Variants in RANBP10 observed in about 807,000 individuals in gnomAD.
RANBP10 encodes the protein ran-binding protein 10.
Under a neutral mutation model 72.8 loss-of-function variants are expected in RANBP10, and 24 were observed. That is an observed-to-expected ratio of 0.33 (90% confidence interval 0.24 to 0.46). The LOEUF (loss-of-function observed/expected upper bound fraction) is 0.46. RANBP10 is among the 20% of genes least tolerant of loss of function. RANBP10 has a pLI of 1.00. For missense variants in RANBP10, 679 were observed against 817.5 expected (o/e 0.83, Z 2.07); for synonymous variants, 310 against 322.3 (o/e 0.96, Z 0.41).
At chr16:67,780,503 C>T (rs2054791012) in intron 2 of RANBP10, among the ~76,000 whole-genome samples, 2 of 151,846 alleles carry the variant, frequency 1.3e-5, no homozygotes, top group South Asian at 4.2e-4. Flanking sequence ...ATCCCAGCTA[C>T]TTGGGAGGCC....
At chr16:67,789,339 G>T (rs1485486818) in intron 2 of RANBP10, among the ~76,000 whole-genome samples, 2 of 151,414 alleles carry the variant, frequency 1.3e-5, no homozygotes, top group African/African-American at 2.4e-5. Context: ...CCCAGGCATG[G>T]TGGCATATGC....
chr16:67,777,262 C>T (rs528626476), intron 2 of RANBP10, among the ~76,000 whole-genome samples: 6 of 152,044 alleles, frequency 3.9e-5, no homozygotes, highest in South Asian at 2.1e-4. Context: ...GTAGGCTGGG[C>T]GCGGTGGCTC....
chr16:67,783,042 C>T (rs1211199917), intron 2 of RANBP10, among the ~76,000 whole-genome samples: 1 of 151,994 alleles, frequency 6.6e-6, no homozygotes, highest in East Asian at 1.9e-4. Context: ...CCTAGCACCC[C>T]GAGTCTTGAC....
intron 2 of RANBP10, among the ~76,000 whole-genome samples, chr16:67,774,365 T>C (rs902135171): frequency 1.3e-5 from 2 of 152,216 alleles, no homozygotes; most frequent in African/African-American, 4.8e-5. Context: ...AACAGGGCTC[T>C]GGTTCCACAA....
At chr16:67,763,937 T>C (rs941601135) in intron 3 of RANBP10, among the ~76,000 whole-genome samples, 1 of 152,194 alleles carries the variant, frequency 6.6e-6, no homozygotes, top group African/African-American at 2.4e-5. Context: ...CCTCAAATGA[T>C]TCTCCTGCCT....
Position 67,734,929 on chromosome 16 carries a change from G to C in RANBP10, c.705C>G (p.Ala235=). The C allele has an allele frequency of 6.2e-7, 1 of 1,614,006 alleles. No individual in the cohort carries two copies. Among genetic ancestry groups the C allele is most frequent in the Non-Finnish European group, 8.5e-7 (1 of 1,179,950 alleles). The stretch of plus-strand genomic sequence containing the variant: ...AGCAGTGGACCGTGCCCTGGACCTT[G>C]GCACGCCACTCCCGCATGTAGTCCT... ...DIEDYMREWR[A]KVQGTVHCFP... Residue 235 remains alanine, a synonymous_variant, in exon 6 of 14, where the codon GCC becomes GCG. Coordinates refer to ENST00000317506, the MANE Select transcript of RANBP10 (RefSeq NM_020850.3).
intron 2 of RANBP10, among the ~76,000 whole-genome samples, chr16:67,800,399 G>A (rs559105773): frequency 1.3e-5 from 2 of 152,234 alleles, no homozygotes; most frequent in African/African-American, 4.8e-5. Context: ...GGCCTCCGCC[G>A]CTGGGATGAT....
At chr16:67,798,813 G>A (rs934508352) in intron 2 of RANBP10, among the ~76,000 whole-genome samples, 9 of 152,180 alleles carry the variant, frequency 5.9e-5, no homozygotes, top group Admixed American at 6.6e-5. Context: ...AACCAGACTG[G>A]CAGAGTCTCT....
Position 67,794,958 on chromosome 16 carries a change from A to C in RANBP10, c.347+10470T>G, listed in dbSNP as rs544902078. On this transcript the variant is annotated intron_variant, in intron 2 of 13. Coordinates refer to ENST00000317506, the MANE Select transcript of RANBP10 (RefSeq NM_020850.3). The stretch of plus-strand genomic sequence containing the variant: ...AAAAAAAAAAAAACAAAAAAAAAAA[A>C]CAGCAACAAAAAAAGGCCAAGTACA... Among the ~76,000 whole-genome samples, 486 of 150,094 alleles carry C rather than the reference A, an allele frequency of 3.2e-3. 2 individuals carry two copies. The highest frequency in any genetic ancestry group is 0.01 in the Middle Eastern group (3 of 288).
In RANBP10 at chr16:67,729,125, C is replaced by A. The variant is rs566138220; in HGVS notation, c.1352+155G>T. On this transcript the variant is annotated intron_variant, in intron 10 of 13. Transcript: ENST00000317506. This position sits in a 1 kb window ranked among gnomAD's most constrained non-coding sequence, Gnocchi z 7.1. ...TCGTGGGGAGGGCCAGAAGCCAGAG[C>A]TGATGTCTGGCCCGGTGGGCCAAAA... Among the ~76,000 whole-genome samples, 1 of 152,254 alleles carries A rather than the reference C, an allele frequency of 6.6e-6. No homozygotes were observed. Among genetic ancestry groups the A allele is most frequent in the Non-Finnish European group, 1.5e-5 (1 of 68,048 alleles).
chr16:67,758,641 G>A (rs1464662437), intron 3 of RANBP10, among the ~76,000 whole-genome samples: 1 of 152,186 alleles, frequency 6.6e-6, no homozygotes, highest in Non-Finnish European at 1.5e-5. Flanking sequence ...CAGTACAATT[G>A]AGAATCTCTG....
At chr16:67,735,480 C>A (rs73591941) in intron 5 of RANBP10, among the ~76,000 whole-genome samples, 7,903 of 152,244 alleles carry the variant, frequency 0.052, 576 homozygotes, top group African/African-American at 0.17. Context: ...TGAGGCTGGG[C>A]ACAGTGGCTC....
Position 67,727,309 on chromosome 16 carries a change from A to C in RANBP10, c.1732+18T>G. The C allele has an allele frequency of 6.3e-7, 1 of 1,594,690 alleles. No individual in the cohort carries two copies. The highest frequency in any genetic ancestry group is 1.8e-5 in the Admixed American group (1 of 55,334). ...GCAGACTCTGTCTCTAATAATAATA[A>C]TAAATAGATTCACTCACCTAAAATG... is the stretch of plus-strand genomic sequence containing the variant. On this transcript the variant is annotated intron_variant, in intron 13 of 13. Transcript: ENST00000317506.
chr16:67,802,921 T>C (rs1597931718), intron 2 of RANBP10, among the ~76,000 whole-genome samples: 1 of 152,252 alleles, frequency 6.6e-6, no homozygotes, highest in African/African-American at 2.4e-5. Context: ...CCTTCTGAAG[T>C]TGGTCTCTGC....
At chr16:67,743,870 T>A (rs1041585638) in intron 4 of RANBP10, among the ~76,000 whole-genome samples, 1 of 152,208 alleles carries the variant, frequency 6.6e-6, no homozygotes, top group Non-Finnish European at 1.5e-5. Flanking sequence ...CCCACCTGTC[T>A]GTTTACCTCC....
Position 67,806,410 on chromosome 16 carries a change from A to T in RANBP10, c.127T>A (p.Tyr43Asn), listed in dbSNP as rs1398404258. The change falls in exon 1 of 14, where the codon TAT (tyrosine) becomes AAT (asparagine). Residue 43 changes from tyrosine to asparagine, a missense_variant. Transcript: ENST00000317506. The stretch of plus-strand genomic sequence containing the variant: ...GTCTCTTGCTGGTTGACCGCGGGAT[A>T]CAGGCGCTGCAAGCGCCGGCTCAGC... The part of the protein sequence containing the change: ...QELSRRLQRL[Y>N]PAVNQQETPL... 6.2e-7 allele frequency: 1 copy of T among 1,606,582 alleles called. No homozygotes were observed. Among genetic ancestry groups the T allele is most frequent in the South Asian group, 1.1e-5 (1 of 90,200 alleles).
At position 67,805,409 on chromosome 16, in the gene RANBP10, G is replaced by A. The variant is rs769090994; in HGVS notation, c.347+19C>T. On this transcript the variant is annotated intron_variant, in intron 2 of 13. Transcript: ENST00000317506. ...TCAGCTCCATGATCAGGGAAAGAGG[G>A]TGGTCATGAAGGGCTTACCCATCTC... 32 of 1,593,574 alleles carry A rather than the reference G, an allele frequency of 2.0e-5. No individual in the cohort carries two copies. The East Asian group carries it at 6.7e-4, about 33-fold the overall frequency.
chr16:67,759,709 G>C (rs941289720), intron 3 of RANBP10: 1 of 152,398 alleles, frequency 6.6e-6, no homozygotes, highest in Non-Finnish European at 1.5e-5. Context: ...TGCAGGGACT[G>C]TCAGCTGTAA....
rs1360666309 is a variant in RANBP10, at chr16:67,724,015, G to C, written c.*2413C>G. The C allele has an allele frequency of 2.0e-5, 3 of 152,772 alleles. No individual in the cohort carries two copies. The highest frequency in any genetic ancestry group is 4.4e-5 in the Non-Finnish European group (3 of 68,204). 9.5% of individuals were successfully genotyped at this position (152,772 alleles called of 1,614,324 possible). On this transcript the variant is annotated 3_prime_UTR_variant, in exon 14 of 14. Transcript: ENST00000317506. ...AAACAACTTGGACTCAGCTGAAACA[G>C]TGAGATAAGGCACAGAAAATGGGGA... is the stretch of plus-strand genomic sequence containing the variant.
Sources: gnomAD v4.1 joint callset for allele counts (sites outside exome capture counted in the v4.1 genomes callset) on GRCh38, gnomAD v4.1.1 for gene constraint, Gnocchi (gnomAD v3.1) non-coding constraint, MANE v1.5 for transcripts, NCBI Gene and HGNC (gene_info 2026-07-23, HGNC 2026-07-21) for gene names.